The following ZNF521 variants were observed in gnomAD, a reference collection of about 807,000 sequenced individuals.
ZNF521 encodes the protein LYST-interacting protein 3.
In ZNF521, 14 loss-of-function variants were observed where a neutral mutation model predicts 105.5. That is an observed-to-expected ratio of 0.13 (90% CI 0.09 to 0.21). The LOEUF is 0.21. ZNF521 is among the 10% of genes least tolerant of loss of function. The pLI, the probability that ZNF521 is intolerant of heterozygous loss-of-function variation, is 1.00. For synonymous variants in ZNF521, 635 were observed against 606.0 expected (o/e 1.05, Z -0.70); for missense variants, 1,233 against 1,629.7 (o/e 0.76, Z 4.19).
At chr18:25,209,134 T>C (rs997650375) in intron 4 of ZNF521, among the ~76,000 whole-genome samples, 25 of 152,018 alleles carry the variant, frequency 1.6e-4, no homozygotes, top group Non-Finnish European at 3.1e-4. Context: ...AAGTTTCTAT[T>C]TTTTCTTTTT....
rs868114085 is a variant in ZNF521, at chr18:25,314,239, C to T, written c.220+7769G>A. 2.6e-5 allele frequency among the ~76,000 whole-genome samples: 4 copies of T among 151,970 alleles called. No homozygotes were observed. The East Asian group carries it at 5.8e-4, about 22-fold the overall frequency. ...CAGTTTCAATCTGCTTTTATGAAAA[C>T]GATGCTTCATTCTGTAAACTACTCA... On this transcript the variant is annotated intron_variant, in intron 3 of 7. Transcript: ENST00000361524.
At chr18:25,177,562 T>A (rs78774809) in intron 5 of ZNF521, among the ~76,000 whole-genome samples, 1 of 151,876 alleles carries the variant, frequency 6.6e-6, no homozygotes, top group Non-Finnish European at 1.5e-5. Context: ...TTTTTTTTTT[T>A]CAGGAGTTGA....
At chr18:25,064,796 T>C (rs1286585841) in intron 7 of ZNF521, among the ~76,000 whole-genome samples, 2 of 152,204 alleles carry the variant, frequency 1.3e-5, no homozygotes, top group East Asian at 1.9e-4. Context: ...CCTTGTTCCA[T>C]TTCAAATTTA....
chr18:25,140,212 C>T (rs1236237356), intron 5 of ZNF521, among the ~76,000 whole-genome samples: 1 of 152,192 alleles, frequency 6.6e-6, no homozygotes, highest in Non-Finnish European at 1.5e-5. Context: ...AATGAAAAGG[C>T]AGTCCCTTCT....
Position 25,226,989 on chromosome 18 carries a change from T to C in ZNF521, c.929A>G (p.Asn310Ser), listed in dbSNP as rs767994488. Reference protein sequence around the residue: ...MEQVHSGEKKNSCSICSESFH... With the variant: ...MEQVHSGEKKSSCSICSESFH... ...ACTCTCAGAACAAATGCTGCATGAG[T>C]TCTTCTTCTCCCCGCTATGCACCTG... is the stretch of plus-strand genomic sequence containing the variant. The change falls in exon 4 of 8, where the codon AAC (asparagine) becomes AGC (serine). Residue 310 changes from asparagine (N) to serine (S), a missense_variant. Physicochemically the swap from Asn to Ser is conservative, Grantham distance 46. This residue lies in a region of ZNF521 where 380 missense variants were observed against 478.0 expected (regional missense o/e 0.80). Coordinates refer to ENST00000361524, the MANE Select transcript of ZNF521 (RefSeq NM_015461.3). The surrounding 1 kb of genome is among the most constrained non-coding windows in gnomAD (Gnocchi z 4.1). 6.2e-7 allele frequency: 1 copy of C among 1,613,970 alleles called. No individual in the cohort carries two copies. Among genetic ancestry groups the C allele is most frequent in the South Asian group, 1.1e-5 (1 of 91,064 alleles).
intron 4 of ZNF521, among the ~76,000 whole-genome samples, chr18:25,198,871 C>T (rs1426932484): frequency 6.6e-6 from 1 of 151,864 alleles, no homozygotes; most frequent in Admixed American, 6.6e-5. Flanking sequence ...TAGTAGAAGA[C>T]AGGTTATTCT....
chr18:25,259,895 AAGCAC>A (rs1455880942), intron 3 of ZNF521, among the ~76,000 whole-genome samples: 1 of 152,176 alleles, frequency 6.6e-6, no homozygotes, highest in Non-Finnish European at 1.5e-5. Context: ...CCAGACAGAA[AAGCAC>A]AGCATGAGGA....
chr18:25,281,592 T>C (rs998285090), intron 3 of ZNF521, among the ~76,000 whole-genome samples: 2 of 152,208 alleles, frequency 1.3e-5, no homozygotes, highest in African/African-American at 4.8e-5. Flanking sequence ...ACATGCATAA[T>C]CTCCTTTACT....
In ZNF521 at chr18:25,352,060, G is replaced by A. The variant is rs868687704; in HGVS notation, c.-57C>T. On this transcript the variant is annotated 5_prime_UTR_variant, in exon 1 of 8. Coordinates refer to ENST00000361524, the MANE Select transcript of ZNF521 (RefSeq NM_015461.3). ...GGTAGTCCACATAATAATGGAAAAT[G>A]GAAGCAAGGCCCCCAAAGCCATCAG... The A allele has an allele frequency of 4.0e-6, 2 of 498,370 alleles. No individual in the cohort carries two copies. The highest frequency in any genetic ancestry group is 3.9e-5 in the African/African-American group (2 of 50,988). The allele number at this position is 498,370 out of a possible 1,614,324, so 30.9% of individuals were successfully genotyped here.
intron 3 of ZNF521, among the ~76,000 whole-genome samples, chr18:25,303,307 TGTGA>T (rs1229986719): frequency 5.6e-5 from 6 of 107,916 alleles, no homozygotes; most frequent in African/African-American, 8.9e-5. Context: ...TGTGTGTGTG[TGTGA>T]GAGAGAGACG....
intron 3 of ZNF521, among the ~76,000 whole-genome samples, chr18:25,281,171 T>C (rs1202626258): frequency 6.6e-6 from 1 of 152,228 alleles, no homozygotes; most frequent in Non-Finnish European, 1.5e-5. Flanking sequence ...CCGTCTTGCA[T>C]GGTATTTGAT....
At chr18:25,242,658 T>C (rs1002357921) in intron 3 of ZNF521, among the ~76,000 whole-genome samples, 1 of 152,240 alleles carries the variant, frequency 6.6e-6, no homozygotes, top group African/African-American at 2.4e-5. Context: ...AAATAAGGCC[T>C]GTTTTTGAAC....
At chr18:25,245,093 C>A (rs1907611715) in intron 3 of ZNF521, among the ~76,000 whole-genome samples, 1 of 152,166 alleles carries the variant, frequency 6.6e-6, no homozygotes, top group Admixed American at 6.5e-5. Context: ...TTTGCTATAG[C>A]AAATTTTCAT....
At chr18:25,272,153 GA>G (rs1909704603) in intron 3 of ZNF521, among the ~76,000 whole-genome samples, 1 of 151,780 alleles carries the variant, frequency 6.6e-6, no homozygotes, top group Non-Finnish European at 1.5e-5. Context: ...ACAAACATAT[GA>G]AAAAAAAGTT....
intron 5 of ZNF521, among the ~76,000 whole-genome samples, chr18:25,150,643 T>G (rs571055156): frequency 6.6e-5 from 10 of 152,286 alleles, no homozygotes; most frequent in Non-Finnish European, 1.5e-4. Context: ...CCATGTGGAC[T>G]AGTGAATGGA....
intron 3 of ZNF521, among the ~76,000 whole-genome samples, chr18:25,275,063 A>C (rs1167554252): frequency 1.3e-5 from 2 of 152,204 alleles, no homozygotes; most frequent in African/African-American, 4.8e-5. Context: ...TTCCTTATCC[A>C]ACCTATAAAA....
chr18:25,230,603 A>G (rs928207581), intron 3 of ZNF521, among the ~76,000 whole-genome samples: 2 of 78,876 alleles, frequency 2.5e-5, no homozygotes, highest in African/African-American at 9.9e-5. Context: ...AAGAAACTGT[A>G]GAAGATTCTT....
chr18:25,119,218 T>C lies in ZNF521; in HGVS notation c.3659-27137A>G, dbSNP rs150023892. Among the ~76,000 whole-genome samples, 31 of 152,278 alleles carry C rather than the reference T, an allele frequency of 2.0e-4. No individual in the cohort carries two copies. The East Asian group carries it at 4.0e-3, about 20-fold the overall frequency. Reference sequence around the variant, plus strand: ...CAATCTTATAATCACATATAAATATTTGAATGCCTGCCTTAGCAATTGATA... The same window carrying C: ...CAATCTTATAATCACATATAAATATCTGAATGCCTGCCTTAGCAATTGATA... On this transcript the variant is annotated intron_variant, in intron 5 of 7. Transcript: ENST00000361524.
At chr18:25,283,919 C>CT (rs45533836) in intron 3 of ZNF521, among the ~76,000 whole-genome samples, 130 of 140,444 alleles carry the variant, frequency 9.3e-4, no homozygotes, top group South Asian at 5.5e-3. Flanking sequence ...CAAGCCAATA[C>CT]TTTCCCCCCC....
Sources: allele counts gnomAD v4.1 joint callset (sites outside exome capture counted in the v4.1 genomes callset), GRCh38; gene constraint gnomAD v4.1.1; regional missense constraint gnomAD v4.1.1; non-coding constraint Gnocchi (gnomAD v3.1); transcripts MANE v1.5; gene names NCBI Gene and HGNC (gene_info 2026-07-23, HGNC 2026-07-21).